Variants in SLC6A17 observed in about 807,000 individuals in gnomAD.
SLC6A17 encodes solute carrier family 6 member 17, also known as sodium-dependent neutral amino acid transporter SLC6A17.
In SLC6A17, 21 loss-of-function variants were observed where a neutral mutation model predicts 64.5. The observed-to-expected ratio is 0.33, with a 90% confidence interval of 0.23 to 0.47. The LOEUF is 0.47. Ranked by LOEUF, SLC6A17 falls within the 20% of genes least tolerant of loss-of-function variation. SLC6A17 has a pLI of 1.00. For synonymous variants in SLC6A17, 372 were observed against 399.5 expected (o/e 0.93, Z 0.82); for missense variants, 682 against 963.2 (o/e 0.71, Z 3.86).
At chr1:110,160,093 C>G (rs182912341) in intron 1 of SLC6A17, among the ~76,000 whole-genome samples, 1 of 152,348 alleles carries the variant, frequency 6.6e-6, no homozygotes, top group East Asian at 1.9e-4. Context: ...TTCTCTTTCT[C>G]CTTCCATCCA....
Position 110,165,090 on chromosome 1 carries a change from G to A in SLC6A17, c.-87-1753G>A, listed in dbSNP as rs373533420. On this transcript the variant is annotated intron_variant, in intron 1 of 11. Coordinates refer to ENST00000331565, the MANE Select transcript of SLC6A17 (RefSeq NM_001010898.4). ...GCTCTGTATGTAAGCTGTAGGGGACGGGGAGATGCCTTGACAGGCAGCCGT... is the reference window on the plus strand; with the variant it reads ...GCTCTGTATGTAAGCTGTAGGGGACAGGGAGATGCCTTGACAGGCAGCCGT... Among the ~76,000 whole-genome samples the A allele has an allele frequency of 5.9e-5, 9 of 152,196 alleles. 1 individual carries two copies. Among genetic ancestry groups the A allele is most frequent in the African/African-American group, 1.9e-4 (8 of 41,442 alleles).
chr1:110,160,781 C>T (rs749557774), intron 1 of SLC6A17, among the ~76,000 whole-genome samples: 5 of 152,142 alleles, frequency 3.3e-5, no homozygotes, highest in African/African-American at 1.2e-4. Context: ...AGCCGAGGCC[C>T]GGGAGATAGA....
chr1:110,189,683 C>G (rs949529812), intron 6 of SLC6A17, among the ~76,000 whole-genome samples: 1 of 152,182 alleles, frequency 6.6e-6, no homozygotes, highest in African/African-American at 2.4e-5. Context: ...GTGCCACCCC[C>G]ACCTCGTCCT....
chr1:110,154,947 C>T (rs1655716894), intron 1 of SLC6A17, among the ~76,000 whole-genome samples: 1 of 152,168 alleles, frequency 6.6e-6, no homozygotes, highest in South Asian at 2.1e-4. Context: ...CCACAGAGAG[C>T]CCACTTTCTC....
chr1:110,174,077 C>G lies in SLC6A17; in HGVS notation c.549C>G (p.Val183=), dbSNP rs754215924. The change falls in exon 4 of 12, where the codon GTC becomes GTG. Residue 183 remains valine (V), a synonymous_variant. Coordinates refer to ENST00000331565, the MANE Select transcript of SLC6A17 (RefSeq NM_001010898.4). ...QYPLPWSECP[V]VRNGSVAVVE... ...CGCTGCCCTGGAGTGAATGTCCTGT[C>G]GTCAGGAATGGGAGCGTGGCAGGCA... 5 of 1,614,082 alleles carry G rather than the reference C, an allele frequency of 3.1e-6. No homozygotes were observed. Among genetic ancestry groups the G allele is most frequent in the Non-Finnish European group, 4.2e-6 (5 of 1,179,972 alleles).
Position 110,197,051 on chromosome 1 carries a change from T to C in SLC6A17, c.1653-386T>C, listed in dbSNP as rs895736511. ...CCTGAGTCAGGGCAGCTCTCTACCT[T>C]TGGACTCTAGAGAAGTGCACTTCTA... On this transcript the variant is annotated intron_variant, in intron 10 of 11. Coordinates refer to ENST00000331565, the MANE Select transcript of SLC6A17 (RefSeq NM_001010898.4). Among the ~76,000 whole-genome samples, 15 of 152,198 alleles carry C rather than the reference T, an allele frequency of 9.9e-5. 1 individual carries two copies. The highest frequency in any genetic ancestry group is 1.8e-4 in the Non-Finnish European group (12 of 68,024).
intron 2 of SLC6A17, among the ~76,000 whole-genome samples, chr1:110,170,650 C>G (rs1037932346): frequency 1.3e-5 from 2 of 152,236 alleles, no homozygotes; most frequent in South Asian, 2.1e-4. Flanking sequence ...TGAGCCCTCT[C>G]TCCTTTGAGC....
At chr1:110,175,993 A>G (rs1333736727) in intron 5 of SLC6A17, among the ~76,000 whole-genome samples, 1 of 152,208 alleles carries the variant, frequency 6.6e-6, no homozygotes, top group Non-Finnish European at 1.5e-5. Flanking sequence ...CAGGCAGCCT[A>G]ACACCAGACT....
rs567478579 is a variant in SLC6A17, at chr1:110,182,887, T to TAC, written c.864+6149_864+6150dup. On this transcript the variant is annotated intron_variant, in intron 6 of 11. Coordinates refer to ENST00000331565, the MANE Select transcript of SLC6A17 (RefSeq NM_001010898.4). ...CGAGGAATTGGAGACAAGTAATAGA[T>TAC]ACCAGTTATTCTCAGGAGTTTTGCG... Among the ~76,000 whole-genome samples, 139 of 152,202 alleles carry TAC rather than the reference T, an allele frequency of 9.1e-4. 1 individual carries two copies. The highest frequency in any genetic ancestry group is 6.8e-3 in the Middle Eastern group (2 of 294).
chr1:110,194,629 G>A lies in SLC6A17; in HGVS notation c.1350G>A (p.Thr450=), dbSNP rs1381754927. The A allele has an allele frequency of 6.2e-6, 10 of 1,614,044 alleles. No individual in the cohort carries two copies. In the East Asian group the frequency reaches 6.7e-5, roughly 11 times the overall value. ...TCATCGCCTTCACTGAGGCCATGAC[G>A]CACTTCCCCGCCTCCCCGTTCTGGT... ...LAFIAFTEAM[T]HFPASPFWSV... Residue 450 remains threonine (T), a synonymous_variant, in exon 9 of 12, where the codon ACG becomes ACA. Coordinates refer to ENST00000331565, the MANE Select transcript of SLC6A17 (RefSeq NM_001010898.4).
intron 6 of SLC6A17, among the ~76,000 whole-genome samples, chr1:110,191,285 A>G (rs1405058277): frequency 6.6e-6 from 1 of 152,206 alleles, no homozygotes; most frequent in Non-Finnish European, 1.5e-5. Flanking sequence ...GGAACAAACA[A>G]TAAAAGGAAA....
intron 1 of SLC6A17, among the ~76,000 whole-genome samples, chr1:110,155,313 G>A (rs951757485): frequency 6.6e-6 from 1 of 151,944 alleles, no homozygotes; most frequent in Admixed American, 6.5e-5. Context: ...CTCATTTATG[G>A]GCAAATCCAG....
chr1:110,164,972 T>G (rs1299138800), intron 1 of SLC6A17, among the ~76,000 whole-genome samples: 1 of 152,128 alleles, frequency 6.6e-6, no homozygotes, highest in African/African-American at 2.4e-5. Context: ...GCAGGCAGAG[T>G]GGCTGGAGAC....
chr1:110,173,897 TGGGCCTCGG>T, intron 3 of SLC6A17, 67 bp from the exon 4 acceptor site: 7 of 1,528,718 alleles, frequency 4.6e-6, no homozygotes, highest in Admixed American at 4.0e-5. Flanking sequence ...GCCGACGTGC[TGGGCCTCGG>T]GTGGAGCGTG....
At chr1:110,177,055 G>A (rs1656395841) in intron 6 of SLC6A17, among the ~76,000 whole-genome samples, 1 of 152,208 alleles carries the variant, frequency 6.6e-6, no homozygotes, top group African/African-American at 2.4e-5. Flanking sequence ...AACTGCATGA[G>A]CAAGGGTGTG....
rs1272506186 is a variant in SLC6A17 at position 110,157,010 on chromosome 1, G to C, written c.-88+6127G>C. Among the ~76,000 whole-genome samples the C allele has an allele frequency of 2.6e-5, 4 of 152,288 alleles. No individual in the cohort carries two copies. The East Asian group carries it at 7.7e-4, about 29-fold the overall frequency. ...CCCATGGTGGTCCCCCCATGAATGAGGAAAGAAGGGAATGAGGCTTTCACT... is the reference window on the plus strand; with the variant it reads ...CCCATGGTGGTCCCCCCATGAATGACGAAAGAAGGGAATGAGGCTTTCACT... On this transcript the variant is annotated intron_variant, in intron 1 of 11. Coordinates refer to ENST00000331565, the MANE Select transcript of SLC6A17 (RefSeq NM_001010898.4).
intron 1 of SLC6A17, among the ~76,000 whole-genome samples, chr1:110,159,159 C>G (rs1171741789): frequency 1.3e-5 from 2 of 152,122 alleles, no homozygotes; most frequent in Non-Finnish European, 1.5e-5. Context: ...AGAATTATGG[C>G]CTATGTGCTG....
Position 110,192,414 on chromosome 1 carries a change from G to A in SLC6A17, c.1107-92G>A. 1 of 1,501,608 alleles carries A rather than the reference G, an allele frequency of 6.7e-7. No individual in the cohort carries two copies. The highest frequency in any genetic ancestry group is 1.4e-5 in the African/African-American group (1 of 72,022). 93.0% of individuals were successfully genotyped at this position (1,501,608 alleles called of 1,614,324 possible). On this transcript the variant is annotated intron_variant, in intron 7 of 11. Transcript: ENST00000331565. The surrounding 1 kb of genome is among the most constrained non-coding windows in gnomAD (Gnocchi z 4.3). Reference sequence around the variant, plus strand: ...GATGCCTCTGTCAGTGACCCATGAGGTTCCCACCTGGGTGCCTGGGAAGAG... The same window carrying A: ...GATGCCTCTGTCAGTGACCCATGAGATTCCCACCTGGGTGCCTGGGAAGAG...
At chr1:110,196,155 C>T (rs1656960418) in intron 10 of SLC6A17, among the ~76,000 whole-genome samples, 1 of 152,140 alleles carries the variant, frequency 6.6e-6, no homozygotes, top group South Asian at 2.1e-4. Flanking sequence ...ATTTTGGCCC[C>T]AAGTTTGGGG....
Sources: allele counts gnomAD v4.1 joint callset (sites outside exome capture counted in the v4.1 genomes callset), GRCh38; gene constraint gnomAD v4.1.1; non-coding constraint Gnocchi (gnomAD v3.1); transcripts MANE v1.5; gene names NCBI Gene and HGNC (gene_info 2026-07-23, HGNC 2026-07-21).